MATN2: variants seen among roughly 807,000 people sequenced by gnomAD.
The protein encoded by MATN2 is matrilin 2.
A neutral mutation model predicts 103.2 loss-of-function variants in MATN2; 69 were observed. The ratio of observed to expected loss-of-function variants is 0.67; its 90% confidence interval spans 0.55 to 0.82. MATN2 has a LOEUF of 0.82. Ranked by LOEUF, MATN2 falls within the 40% of genes least tolerant of loss-of-function variation. The probability of loss-of-function intolerance (pLI) is 0.00; values close to 1 mark genes in which losing one functional copy is unlikely to be tolerated. For missense variants in MATN2, 1,023 were observed against 1,211.5 expected, an observed-to-expected ratio of 0.84 and a Z score of 2.31; for synonymous variants, 429 against 450.2, an observed-to-expected ratio of 0.95 and a Z score of 0.60.
intron 13 of MATN2, chr8:98,025,529 C>T: frequency 4.1e-6 from 1 of 244,934 alleles, no homozygotes; most frequent in Non-Finnish European, 8.2e-6. Context: ...GGGTGGATCA[C>T]AAGGTCAGGA....
rs189870521 is a variant in MATN2, at chr8:97,961,937, C to G, written c.958+407C>G. ...CACCTCAAAGACAACGGGCAGCCTT[C>G]CTCCCTAATGTCACCTATAGCTCAG... On this transcript the variant is annotated intron_variant, in intron 5 of 18. Coordinates refer to ENST00000254898, the MANE Select transcript of MATN2 (RefSeq NM_002380.5). 6.6e-5 allele frequency among the ~76,000 whole-genome samples: 10 copies of G among 152,314 alleles called. No individual in the cohort carries two copies. The East Asian group carries it at 1.7e-3, about 26-fold the overall frequency.
intron 1 of MATN2, among the ~76,000 whole-genome samples, chr8:97,886,163 T>C (rs899959392): frequency 6.6e-6 from 1 of 152,106 alleles, no homozygotes; most frequent in African/African-American, 2.4e-5. Context: ...TGTCACTGTC[T>C]CCCGTCACTC....
intron 1 of MATN2, among the ~76,000 whole-genome samples, chr8:97,877,856 G>C (rs1563639979): frequency 6.6e-6 from 1 of 152,228 alleles, no homozygotes; most frequent in South Asian, 2.1e-4. Context: ...TGTTCAAGAA[G>C]TCTGGAGACA....
intron 10 of MATN2, among the ~76,000 whole-genome samples, chr8:98,010,907 G>A (rs1813137482): frequency 6.6e-6 from 1 of 152,264 alleles, no homozygotes; most frequent in Admixed American, 6.5e-5. Flanking sequence ...TTCCAGGGCT[G>A]AGGCAGGCCT....
chr8:97,893,561 C>CTTATTTATTTAT (rs57936657), intron 2 of MATN2, among the ~76,000 whole-genome samples: 2,263 of 95,716 alleles, frequency 0.024, 22 homozygotes, highest in Middle Eastern at 0.046. Context: ...CCAGAGTATT[C>CTTATTTATTTAT]TTATTTATTT....
At chr8:98,008,268 T>G (rs1439095510) in intron 10 of MATN2, among the ~76,000 whole-genome samples, 4 of 151,904 alleles carry the variant, frequency 2.6e-5, no homozygotes, top group African/African-American at 9.7e-5. Flanking sequence ...CCTCCTTCTC[T>G]CCTTTACTGA....
chr8:97,898,261 T>C (rs1453381794), intron 2 of MATN2, among the ~76,000 whole-genome samples: 1 of 152,198 alleles, frequency 6.6e-6, no homozygotes, highest in East Asian at 1.9e-4. Flanking sequence ...GAGCCAGTCC[T>C]GTCCTTCGTC....
chr8:98,032,532 T>TTTG (rs558407678), intron 16 of MATN2, among the ~76,000 whole-genome samples: 2 of 152,092 alleles, frequency 1.3e-5, no homozygotes, highest in East Asian at 1.9e-4. Flanking sequence ...TGTTTTTGTT[T>TTTG]TTGTTGTTGT....
At chr8:98,013,068 T>C (rs1171451158) in intron 10 of MATN2, among the ~76,000 whole-genome samples, 1 of 152,198 alleles carries the variant, frequency 6.6e-6, no homozygotes, top group African/African-American at 2.4e-5. Flanking sequence ...GGGTGGTGGC[T>C]CTGTTTGCCT....
chr8:98,021,167 C>T, intron 12 of MATN2, 38 bp from the exon 13 acceptor site: 1 of 1,604,600 alleles, frequency 6.2e-7, no homozygotes. Flanking sequence ...CTCATTTCTA[C>T]ACTGATGGGA....
chr8:98,026,359 C>T (rs533152783), intron 13 of MATN2, among the ~76,000 whole-genome samples: 35 of 151,428 alleles, frequency 2.3e-4, no homozygotes, highest in Non-Finnish European at 4.4e-4. Flanking sequence ...TCTTGGGCTC[C>T]GGTAATCTTT....
At chr8:97,983,992 G>A (rs1470138556) in intron 6 of MATN2, among the ~76,000 whole-genome samples, 5 of 152,128 alleles carry the variant, frequency 3.3e-5, no homozygotes, top group African/African-American at 7.2e-5. Flanking sequence ...ACAAAGTATC[G>A]GTTGTCAGGT....
At chr8:97,943,696 C>T (rs554737357) in intron 4 of MATN2, among the ~76,000 whole-genome samples, 2 of 152,202 alleles carry the variant, frequency 1.3e-5, no homozygotes, top group South Asian at 4.2e-4. Flanking sequence ...CTCAAGTGCT[C>T]CATCTGCCTC....
chr8:97,913,950 G>C (rs1169173040), intron 2 of MATN2, among the ~76,000 whole-genome samples: 2 of 152,164 alleles, frequency 1.3e-5, no homozygotes. Context: ...GATTAAATAG[G>C]TAGAGGAGTT....
At chr8:97,938,141 C>T (rs1301671864) in intron 3 of MATN2, among the ~76,000 whole-genome samples, 1 of 152,104 alleles carries the variant, frequency 6.6e-6, no homozygotes, top group Non-Finnish European at 1.5e-5. Flanking sequence ...TGGGTGACTG[C>T]CGTGTAGTTG....
intron 13 of MATN2, chr8:98,025,751 A>G (rs1476456231): frequency 2.2e-6 from 1 of 445,136 alleles, no homozygotes; most frequent in East Asian, 7.7e-5. Flanking sequence ...GTCTCAAAAA[A>G]GAAGAAGAAA....
At chr8:97,871,681 G>A (rs1817905427) in intron 1 of MATN2, among the ~76,000 whole-genome samples, 1 of 152,224 alleles carries the variant, frequency 6.6e-6, no homozygotes, top group African/African-American at 2.4e-5. Context: ...AGTGAATGGT[G>A]CCAGGGAGGT....
At chr8:97,870,575 T>G (rs138870715) in intron 1 of MATN2, among the ~76,000 whole-genome samples, 148 of 152,148 alleles carry the variant, frequency 9.7e-4, no homozygotes, top group Non-Finnish European at 1.8e-3. Context: ...CCAGGAGCAT[T>G]CTAAGATTAG....
intron 13 of MATN2, chr8:98,025,435 C>G (rs1813756151): frequency 5.3e-6 from 1 of 187,374 alleles, no homozygotes; most frequent in Non-Finnish European, 1.1e-5. Flanking sequence ...ATGTTTATCA[C>G]AGATTGTGGA....
Sources: allele counts gnomAD v4.1 joint callset (sites outside exome capture counted in the v4.1 genomes callset), GRCh38; gene constraint gnomAD v4.1.1; transcripts MANE v1.5; gene names NCBI Gene and HGNC (gene_info 2026-07-23, HGNC 2026-07-21).